Variants in CNTNAP2 observed in about 807,000 individuals in gnomAD.
CNTNAP2 encodes the protein contactin-associated protein-like 2.
A neutral mutation model predicts 155.2 loss-of-function variants in CNTNAP2; 98 were observed. The ratio of observed to expected loss-of-function variants is 0.63; its 90% confidence interval spans 0.54 to 0.75. The LOEUF (loss-of-function observed/expected upper bound fraction) is 0.75. Among genes scored for constraint, CNTNAP2 ranks in the 30% least tolerant of loss-of-function variants. The pLI is 0.00. For synonymous variants in CNTNAP2, 651 were observed against 631.2 expected (o/e 1.03, Z -0.47); for missense variants, 1,727 against 1,688.1 (o/e 1.02, Z -0.40).
chr7:146,364,281 C>T lies in CNTNAP2; in HGVS notation c.97+247308C>T, dbSNP rs145397727. ...TAAGGCAATCAGCCTCACTCCAAAG[C>T]GTGATCAGAGAGCTAAAAATTTACT... On this transcript the variant is annotated intron_variant, in intron 1 of 23. Transcript: ENST00000361727. Among the ~76,000 whole-genome samples the T allele has an allele frequency of 2.6e-3, 399 of 152,254 alleles. 1 individual carries two copies. The highest frequency in any genetic ancestry group is 8.7e-3 in the African/African-American group (360 of 41,552).
intron 9 of CNTNAP2, among the ~76,000 whole-genome samples, chr7:147,310,340 C>A (rs145388895): frequency 6.6e-6 from 1 of 152,054 alleles, no homozygotes; most frequent in Non-Finnish European, 1.5e-5. Context: ...CTTAACCCTG[C>A]GGCCATTTAC....
chr7:146,409,065 A>G (rs1473167903), intron 1 of CNTNAP2, among the ~76,000 whole-genome samples: 1 of 152,102 alleles, frequency 6.6e-6, no homozygotes, highest in Non-Finnish European at 1.5e-5. Context: ...TGTTTAATTT[A>G]TTTTTGTATT....
At chr7:147,775,404 T>TATAA (rs1491151590) in intron 13 of CNTNAP2, among the ~76,000 whole-genome samples, 1 of 113,228 alleles carries the variant, frequency 8.8e-6, no homozygotes, top group Non-Finnish European at 1.7e-5. Context: ...TATATATATT[T>TATAA]ATATATATAT....
At chr7:146,795,970 C>A (rs781515576) in intron 2 of CNTNAP2, among the ~76,000 whole-genome samples, 3 of 152,006 alleles carry the variant, frequency 2.0e-5, no homozygotes, top group Non-Finnish European at 2.9e-5. Context: ...ATTTGAAATT[C>A]AAAGGGAATA....
At chr7:146,614,154 A>G (rs1799185666) in intron 1 of CNTNAP2, among the ~76,000 whole-genome samples, 1 of 152,188 alleles carries the variant, frequency 6.6e-6, no homozygotes, top group South Asian at 2.1e-4. Context: ...TGGTTTTACT[A>G]GAGTTAACCT....
rs866007387 is a variant in CNTNAP2, at chr7:146,807,190, T to C, written c.209-32521T>C. ...TACTCATAATCTTACAATCTGGTAT[T>C]GATAGTATTTTAGCGTATTTTTAAA... On this transcript the variant is annotated intron_variant, in intron 2 of 23. Coordinates refer to ENST00000361727, the MANE Select transcript of CNTNAP2 (RefSeq NM_014141.6). Among the ~76,000 whole-genome samples the C allele has an allele frequency of 1.7e-4, 26 of 152,264 alleles. 1 individual carries two copies. The highest frequency in any genetic ancestry group is 7.2e-4 in the Admixed American group (11 of 15,292).
At chr7:146,164,191 T>G (rs1798276281) in intron 1 of CNTNAP2, among the ~76,000 whole-genome samples, 1 of 152,142 alleles carries the variant, frequency 6.6e-6, no homozygotes, top group South Asian at 2.1e-4. Context: ...CTTTTTAAGG[T>G]TTGCTTTCTT....
At chr7:146,652,851 C>A (rs1184421133) in intron 1 of CNTNAP2, among the ~76,000 whole-genome samples, 1 of 152,090 alleles carries the variant, frequency 6.6e-6, no homozygotes, top group Non-Finnish European at 1.5e-5. Flanking sequence ...ATTTCATCAG[C>A]TTTGAAGACT....
Position 146,557,939 on chromosome 7 carries a change from T to A in CNTNAP2, c.98-216332T>A, listed in dbSNP as rs1327839050. Among the ~76,000 whole-genome samples the A allele has an allele frequency of 2.0e-5, 3 of 152,340 alleles. No homozygotes were observed. In the South Asian group the frequency reaches 6.2e-4, roughly 32 times the overall value. On this transcript the variant is annotated intron_variant, in intron 1 of 23. Coordinates refer to ENST00000361727, the MANE Select transcript of CNTNAP2 (RefSeq NM_014141.6). Reference sequence around the variant, plus strand: ...GGGTAAAAACACAACAATCAAATTCTACAACATTTTCAAACACTTATTAGC... The same window carrying A: ...GGGTAAAAACACAACAATCAAATTCAACAACATTTTCAAACACTTATTAGC...
chr7:146,761,376 C>A (rs1802096833), intron 1 of CNTNAP2, among the ~76,000 whole-genome samples: 1 of 152,098 alleles, frequency 6.6e-6, no homozygotes, highest in African/African-American at 2.4e-5. Context: ...GGGAAGCAGA[C>A]TAAATTTAGT....
At chr7:146,920,597 T>C (rs923186244) in intron 3 of CNTNAP2, among the ~76,000 whole-genome samples, 3 of 152,210 alleles carry the variant, frequency 2.0e-5, no homozygotes, top group Non-Finnish European at 2.9e-5. Flanking sequence ...GGAAATCAGA[T>C]GGTAAATCAT....
At chr7:148,127,638 A>G (rs1804743640) in intron 16 of CNTNAP2, among the ~76,000 whole-genome samples, 1 of 152,246 alleles carries the variant, frequency 6.6e-6, no homozygotes, top group South Asian at 2.1e-4. Flanking sequence ...ATTCTGCAAT[A>G]TACAGAAACT....
At position 147,953,719 on chromosome 7, in the gene CNTNAP2, A is replaced by G. The variant is rs543724211; in HGVS notation, c.2256-24143A>G. 3.3e-5 allele frequency among the ~76,000 whole-genome samples: 5 copies of G among 152,196 alleles called. 1 individual carries two copies. The Middle Eastern group carries it at 0.017, about 518-fold the overall frequency. On this transcript the variant is annotated intron_variant, in intron 14 of 23. Coordinates refer to ENST00000361727, the MANE Select transcript of CNTNAP2 (RefSeq NM_014141.6). ...TCTAGAGGCCAGAAGCCTGAAATCA[A>G]GGTATCAGCAGGGCCATGATCTCTC... is the stretch of plus-strand genomic sequence containing the variant.
chr7:148,306,860 C>G (rs145272636), intron 21 of CNTNAP2, among the ~76,000 whole-genome samples: 1,774 of 152,166 alleles, frequency 0.012, 21 homozygotes, highest in Middle Eastern at 0.02. Flanking sequence ...CCTGGTTCCC[C>G]TTTAGCTGAC....
At chr7:148,407,703 T>TAAAAAAAAA (rs57666141) in intron 22 of CNTNAP2, among the ~76,000 whole-genome samples, 17 of 93,116 alleles carry the variant, frequency 1.8e-4, no homozygotes, top group South Asian at 7.0e-4. Context: ...GACCAAATCT[T>TAAAAAAAAA]AAAAAAAAAA....
intron 3 of CNTNAP2, among the ~76,000 whole-genome samples, chr7:146,999,610 ATTAT>A (rs1798383666): frequency 6.6e-6 from 1 of 151,888 alleles, no homozygotes; most frequent in African/African-American, 2.4e-5. Flanking sequence ...TGTCTGGGAA[ATTAT>A]TTATTTATCT....
At chr7:147,341,769 TACACACACACAC>T (rs35486619) in intron 9 of CNTNAP2, among the ~76,000 whole-genome samples, 3 of 147,314 alleles carry the variant, frequency 2.0e-5, no homozygotes, top group Non-Finnish European at 3.0e-5. Flanking sequence ...CACATACACA[TACACACACACAC>T]ACACACACAC....
At chr7:146,304,299 T>C (rs1315747059) in intron 1 of CNTNAP2, among the ~76,000 whole-genome samples, 1 of 152,116 alleles carries the variant, frequency 6.6e-6, no homozygotes, top group Non-Finnish European at 1.5e-5. Flanking sequence ...TGTGTGAATT[T>C]GATCCTGTCA....
intron 1 of CNTNAP2, among the ~76,000 whole-genome samples, chr7:146,200,476 G>A (rs191047848): frequency 6.6e-6 from 1 of 151,564 alleles, no homozygotes; most frequent in Admixed American, 6.6e-5. Context: ...CCTGGTGACA[G>A]AGCAATACTC....
Sources: gnomAD v4.1 joint callset for allele counts (sites outside exome capture counted in the v4.1 genomes callset) on GRCh38, gnomAD v4.1.1 for gene constraint, MANE v1.5 for transcripts, NCBI Gene and HGNC (gene_info 2026-07-23, HGNC 2026-07-21) for gene names.